Variants in KATNBL1 observed in about 807,000 individuals in gnomAD.
KATNBL1 encodes KATNB1-like protein 1.
KATNBL1 carries 28 observed loss-of-function variants against 44.7 expected under a neutral mutation model. The observed-to-expected ratio is 0.63, with a 90% CI of 0.46 to 0.86. The LOEUF is 0.86. KATNBL1 is among the 40% of genes least tolerant of loss of function. KATNBL1 has a pLI of 0.00. For synonymous variants in KATNBL1, 78 were observed against 114.9 expected, an observed-to-expected ratio of 0.68 and a Z score of 2.06; for missense variants, 272 against 350.7, an observed-to-expected ratio of 0.78 and a Z score of 1.79.
intron 2 of KATNBL1, among the ~76,000 whole-genome samples, chr15:34,156,387 C>T (rs1156773524): frequency 6.6e-6 from 1 of 152,212 alleles, no homozygotes; most frequent in Non-Finnish European, 1.5e-5. Context: ...GCCTGGTTGA[C>T]TGGAGGACCA....
At chr15:34,196,779 C>T (rs1287373251) in intron 1 of KATNBL1, among the ~76,000 whole-genome samples, 2 of 152,130 alleles carry the variant, frequency 1.3e-5, no homozygotes, top group Non-Finnish European at 2.9e-5. Flanking sequence ...GATGCATCAT[C>T]TATAATTTAT....
intron 1 of KATNBL1, among the ~76,000 whole-genome samples, chr15:34,198,528 G>C (rs1414100647): frequency 6.6e-6 from 1 of 152,296 alleles, no homozygotes; most frequent in South Asian, 2.1e-4. Context: ...TAGTCCAGCA[G>C]GACTTGCTGA....
intron 1 of KATNBL1, among the ~76,000 whole-genome samples, chr15:34,194,044 C>T (rs990428598): frequency 1.3e-5 from 2 of 151,986 alleles, no homozygotes; most frequent in Admixed American, 6.6e-5. Flanking sequence ...TGGCTTCAAG[C>T]GATTCTTCTG....
At position 34,147,188 on chromosome 15, in the gene KATNBL1, AT is replaced by A; in HGVS notation, c.698+11del. 6.6e-7 allele frequency: 1 copy of A among 1,506,168 alleles called. No individual in the cohort carries two copies. Among genetic ancestry groups the A allele is most frequent in the Non-Finnish European group, 9.2e-7 (1 of 1,084,064 alleles). 93.3% of individuals were successfully genotyped at this position (1,506,168 alleles called of 1,614,324 possible). ...AAAAGAAAAATGAATCAAGATTCAG[AT>A]TAGCACTTACTCTTCAAATTTGCTT... On this transcript the variant is annotated intron_variant, in intron 7 of 9. Transcript: ENST00000256544.
chr15:34,162,018 T>C (rs1432840668), intron 2 of KATNBL1, among the ~76,000 whole-genome samples: 37 of 152,232 alleles, frequency 2.4e-4, no homozygotes, highest in Admixed American at 2.4e-3. Context: ...ATGTAAATTT[T>C]GTGATTGATA....
At chr15:34,145,298 T>A (rs905532205) in intron 9 of KATNBL1, 100 bp downstream of exon 9, 1 of 1,357,720 alleles carries the variant, frequency 7.4e-7, no homozygotes, top group Non-Finnish European at 9.7e-7. Context: ...ATTAGAACAG[T>A]ACCATATTAT....
At chr15:34,192,587 G>A (rs958728321) in intron 1 of KATNBL1, among the ~76,000 whole-genome samples, 2 of 152,138 alleles carry the variant, frequency 1.3e-5, no homozygotes, top group African/African-American at 2.4e-5. Context: ...TTCAATGACT[G>A]TATACGAAAT....
At chr15:34,147,150 T>C (rs1477469775) in intron 7 of KATNBL1, 50 bp downstream of exon 7, 1 of 1,182,534 alleles carries the variant, frequency 8.5e-7, no homozygotes, top group Non-Finnish European at 1.3e-6. Flanking sequence ...AAGCACAAAA[T>C]CAAGGATGCT....
At chr15:34,199,784 T>A (rs1041442590) in intron 1 of KATNBL1, 1 of 152,126 alleles carries the variant, frequency 6.6e-6, no homozygotes, top group Non-Finnish European at 1.5e-5. Flanking sequence ...CTCTTAAAGG[T>A]GATGCGGACC....
chr15:34,193,130 TGG>T (rs1236773886), intron 1 of KATNBL1, among the ~76,000 whole-genome samples: 3 of 140,676 alleles, frequency 2.1e-5, no homozygotes, highest in African/African-American at 8.0e-5. Flanking sequence ...GGCAGGAGAA[TGG>T]CGTCAACCCG....
intron 8 of KATNBL1, chr15:34,146,397 C>T (rs759990888): frequency 5.9e-6 from 1 of 169,754 alleles, no homozygotes; most frequent in Non-Finnish European, 1.3e-5. Context: ...ACACCGGACT[C>T]TCAGGTTAAT....
chr15:34,153,356 G>A (rs1888541538), intron 3 of KATNBL1, among the ~76,000 whole-genome samples: 2 of 152,202 alleles, frequency 1.3e-5, no homozygotes, highest in Non-Finnish European at 1.5e-5. Context: ...CATTCTGGGA[G>A]TAAGAAGACC....
intron 8 of KATNBL1, chr15:34,146,200 C>T (rs1452905234): frequency 6.6e-6 from 1 of 152,282 alleles, no homozygotes; most frequent in Admixed American, 6.5e-5. Flanking sequence ...CCTTCTTGGC[C>T]TCCCAAAGTG....
chr15:34,199,778 T>C (rs1274311336), intron 1 of KATNBL1: 2 of 152,150 alleles, frequency 1.3e-5, no homozygotes, highest in Non-Finnish European at 2.9e-5. Flanking sequence ...TTCCAGCTCT[T>C]AAAGGTGATG....
chr15:34,190,496 T>G (rs1456403363), intron 1 of KATNBL1, among the ~76,000 whole-genome samples: 1 of 152,192 alleles, frequency 6.6e-6, no homozygotes, highest in East Asian at 1.9e-4. Context: ...GCTGTCTAGT[T>G]AAGCAACCAC....
At chr15:34,181,484 T>C (rs949267928) in intron 1 of KATNBL1, among the ~76,000 whole-genome samples, 10 of 150,856 alleles carry the variant, frequency 6.6e-5, no homozygotes, top group African/African-American at 2.4e-4. Flanking sequence ...GAGACATTAC[T>C]ATTAAAAATT....
In KATNBL1 at chr15:34,150,575, T is replaced by C. The variant is rs188605132; in HGVS notation, c.439-1825A>G. On this transcript the variant is annotated intron_variant, in intron 4 of 9. Coordinates refer to ENST00000256544, the MANE Select transcript of KATNBL1 (RefSeq NM_024713.3). ...CACCACTGCACCCCAGCCTGGGTGA[T>C]AGAGCGAGAGACCCTGTTTCAAAAC... Among the ~76,000 whole-genome samples, 11 of 152,302 alleles carry C rather than the reference T, an allele frequency of 7.2e-5. No individual in the cohort carries two copies. In the East Asian group the frequency reaches 1.2e-3, roughly 16 times the overall value.
At chr15:34,160,499 T>G (rs1888766508) in intron 2 of KATNBL1, among the ~76,000 whole-genome samples, 1 of 152,210 alleles carries the variant, frequency 6.6e-6, no homozygotes, top group Admixed American at 6.5e-5. Flanking sequence ...TAGACCTGCA[T>G]ATTTTCTCAT....
At chr15:34,165,221 C>T (rs895370623) in intron 1 of KATNBL1, among the ~76,000 whole-genome samples, 7 of 152,134 alleles carry the variant, frequency 4.6e-5, no homozygotes, top group African/African-American at 1.2e-4. Context: ...CTTAAGTAGA[C>T]ACTTGTGGCT....
Sources: gnomAD v4.1 joint callset for allele counts (sites outside exome capture counted in the v4.1 genomes callset) on GRCh38, gnomAD v4.1.1 for gene constraint, MANE v1.5 for transcripts, NCBI Gene and HGNC (gene_info 2026-07-23, HGNC 2026-07-21) for gene names.